Variants in LIMCH1 observed in about 807,000 individuals in gnomAD.
LIMCH1 encodes the protein LIM and calponin homology domains-containing protein 1.
LIMCH1 carries 113 observed loss-of-function variants against 176.5 expected under a neutral mutation model. That is an observed-to-expected ratio of 0.64 (90% CI 0.55 to 0.75). The LOEUF (loss-of-function observed/expected upper bound fraction) is 0.75. Ranked by LOEUF, LIMCH1 falls within the 30% of genes least tolerant of loss-of-function variation. The probability of loss-of-function intolerance (pLI) is 0.00; values close to 1 mark genes in which losing one functional copy is unlikely to be tolerated. For missense variants in LIMCH1, 1,674 were observed against 1,814.9 expected (o/e 0.92, Z 1.41); for synonymous variants, 619 against 645.9 (o/e 0.96, Z 0.63).
chr4:41,674,379 C>T (rs776599422), intron 22 of LIMCH1, among the ~76,000 whole-genome samples: 1 of 152,208 alleles, frequency 6.6e-6, no homozygotes. Context: ...CAAAGAGGGG[C>T]CATGCCCCTG....
In LIMCH1 at chr4:41,360,854, C is replaced by G; in HGVS notation, c.14C>G (p.Ala5Gly). Reference sequence around the variant, plus strand: ...GGGGCTGCGCAAATGGCTTGTCCCGCTCTCGGTCTGGAAGCTCTTCAGCCC... The same window carrying G: ...GGGGCTGCGCAAATGGCTTGTCCCGGTCTCGGTCTGGAAGCTCTTCAGCCC... The change falls in exon 1 of 27, where the codon GCT becomes GGT. Residue 5 changes from alanine to glycine, a missense_variant. Transcript: ENST00000313860. This position sits in a 1 kb window ranked among gnomAD's most constrained non-coding sequence, Gnocchi z 4.5. The G allele has an allele frequency of 6.4e-7, 1 of 1,567,220 alleles. No individual in the cohort carries two copies. The highest frequency in any genetic ancestry group is 1.9e-5 in the Admixed American group (1 of 51,984).
chr4:41,535,321 T>C (rs1392407278), upstream of LIMCH1, among the ~76,000 whole-genome samples: 1 of 152,164 alleles, frequency 6.6e-6, no homozygotes, highest in African/African-American at 2.4e-5. Flanking sequence ...TTTGCTCTGA[T>C]GGCCATAACA....
At chr4:41,443,192 C>CTTTTTTTTTTT (rs916559501) in intron 1 of LIMCH1, among the ~76,000 whole-genome samples, 10 of 39,700 alleles carry the variant, frequency 2.5e-4, no homozygotes, top group East Asian at 6.7e-4. Flanking sequence ...TGTTTTTTTT[C>CTTTTTTTTTTT]TTTTTTTTTT....
chr4:41,519,975 T>C (rs2075958095), intron 2 of LIMCH1, among the ~76,000 whole-genome samples: 1 of 152,226 alleles, frequency 6.6e-6, no homozygotes, highest in Non-Finnish European at 1.5e-5. Context: ...TCAAGCTGAA[T>C]GTTGTAAGTT....
intron 17 of LIMCH1, among the ~76,000 whole-genome samples, chr4:41,648,702 T>TGTGTGTGTGTGTGTGTGTG (rs1585307021): frequency 1.4e-5 from 2 of 147,160 alleles, no homozygotes; most frequent in African/African-American, 5.1e-5. Context: ...TGTGTGTGTC[T>TGTGTGTGTGTGTGTGTGTG]TCTTGGAGGG....
chr4:41,606,172 G>A (rs1049756154), intron 4 of LIMCH1, among the ~76,000 whole-genome samples, 168 bp downstream of exon 4: 6 of 152,196 alleles, frequency 3.9e-5, no homozygotes, highest in African/African-American at 1.2e-4. Flanking sequence ...TTTGCCTCAT[G>A]CATGTCACAC....
intron 1 of LIMCH1, among the ~76,000 whole-genome samples, chr4:41,547,109 A>T (rs1172710812): frequency 6.6e-6 from 1 of 152,210 alleles, no homozygotes; most frequent in Non-Finnish European, 1.5e-5. Context: ...ATGTGGAATG[A>T]TCAAATCAGG....
At position 41,683,556 on chromosome 4, in the gene LIMCH1, C is replaced by T. The variant is rs1205839834; in HGVS notation, c.3846-841C>T. On this transcript the variant is annotated intron_variant, in intron 26 of 31. Coordinates refer to ENST00000503057, the MANE Select transcript of LIMCH1 (RefSeq NM_001330672.2). ...CATGCATGTGCACACACACAGCATA[C>T]CAGAGGGATCTGAGGCATGAAAGGC... Among the ~76,000 whole-genome samples, 7 of 152,294 alleles carry T rather than the reference C, an allele frequency of 4.6e-5. No homozygotes were observed. In the South Asian group the frequency reaches 1.4e-3, roughly 32 times the overall value.
chr4:41,587,144 A>G (rs1041798572), intron 1 of LIMCH1, among the ~76,000 whole-genome samples: 1 of 152,230 alleles, frequency 6.6e-6, no homozygotes, highest in African/African-American at 2.4e-5. Flanking sequence ...AAGAGTTTGT[A>G]TGCTAAAAAT....
intron 6 of LIMCH1, chr4:41,620,124 A>G (rs952732853): frequency 8.9e-6 from 3 of 337,706 alleles, no homozygotes; most frequent in African/African-American, 6.3e-5. Flanking sequence ...TTTTCCATTG[A>G]ATAAAGATGT....
At chr4:41,384,749 G>A (rs1273437984) in intron 1 of LIMCH1, among the ~76,000 whole-genome samples, 2 of 152,152 alleles carry the variant, frequency 1.3e-5, no homozygotes, top group Non-Finnish European at 2.9e-5. Flanking sequence ...GATATATTAA[G>A]TTTGATGCTC....
chr4:41,576,108 T>C (rs1200532371), intron 1 of LIMCH1, among the ~76,000 whole-genome samples: 2 of 152,232 alleles, frequency 1.3e-5, no homozygotes, highest in Non-Finnish European at 2.9e-5. Context: ...TGTTTGTTAG[T>C]TCACCGTCTG....
intron 13 of LIMCH1, among the ~76,000 whole-genome samples, chr4:41,637,465 C>A (rs2093639834): frequency 6.6e-6 from 1 of 152,208 alleles, no homozygotes; most frequent in Non-Finnish European, 1.5e-5. Flanking sequence ...GCTGGGATTA[C>A]AAGCATGAGC....
intron 1 of LIMCH1, among the ~76,000 whole-genome samples, chr4:41,572,867 G>A (rs1380989163): frequency 1.3e-5 from 2 of 152,180 alleles, no homozygotes; most frequent in East Asian, 3.9e-4. Flanking sequence ...AGAGGAGGCA[G>A]GCACTTCCCA....
rs145355105 is a variant in LIMCH1 at position 41,389,514 on chromosome 4, C to T, written c.96+28578C>T. On this transcript the variant is annotated intron_variant, in intron 1 of 26. Transcript: ENST00000313860. The stretch of plus-strand genomic sequence containing the variant: ...TCCTGGGGACTGCCCCGTCTGTGGG[C>T]CGCAGTTGTTGATGGCTACCACCCT... 3.8e-3 allele frequency: 648 copies of T among 172,508 alleles called. 11 individuals are homozygous for T. The highest frequency in any genetic ancestry group is 1.7e-3 in the Non-Finnish European group (130 of 77,754). 10.7% of individuals were successfully genotyped at this position (172,508 alleles called of 1,614,324 possible).
intron 3 of LIMCH1, among the ~76,000 whole-genome samples, chr4:41,530,434 G>A (rs2077133480): frequency 6.6e-6 from 1 of 152,108 alleles, no homozygotes; most frequent in Admixed American, 6.5e-5. Context: ...CTTCCCTCCA[G>A]TGGTTTATCT....
chr4:41,648,373 G>A (rs891906918), intron 17 of LIMCH1, among the ~76,000 whole-genome samples: 2 of 152,126 alleles, frequency 1.3e-5, no homozygotes, highest in African/African-American at 2.4e-5. Context: ...TCACCATGGC[G>A]GCAAAGTGGA....
At chr4:41,434,910 A>G (rs767483248) in intron 1 of LIMCH1, among the ~76,000 whole-genome samples, 1 of 152,250 alleles carries the variant, frequency 6.6e-6, no homozygotes, top group Non-Finnish European at 1.5e-5. Flanking sequence ...ATTGCATAGG[A>G]GTAAATATTT....
intron 22 of LIMCH1, 133 bp downstream of exon 22, chr4:41,671,727 G>T (rs1448211159): frequency 4.6e-6 from 3 of 645,692 alleles, no homozygotes; most frequent in South Asian, 3.7e-5. Context: ...CTTTGGGAGG[G>T]TGAGGCGGGT....
Sources: allele counts gnomAD v4.1 joint callset (sites outside exome capture counted in the v4.1 genomes callset), GRCh38; gene constraint gnomAD v4.1.1; non-coding constraint Gnocchi (gnomAD v3.1); transcripts MANE v1.5; gene names NCBI Gene and HGNC (gene_info 2026-07-23, HGNC 2026-07-21).